The following TBX15 variants were observed in gnomAD, a reference collection of about 807,000 sequenced individuals.
TBX15 encodes T-box transcription factor 15, also known as T-box transcription factor TBX15.
Under a neutral mutation model 53.9 loss-of-function variants are expected in TBX15, and 18 were observed. The ratio of observed to expected loss-of-function variants is 0.33; its 90% confidence interval spans 0.23 to 0.49. The LOEUF (loss-of-function observed/expected upper bound fraction) is 0.49, where lower values mean the gene tolerates loss of function less well. TBX15 is among the 20% of genes least tolerant of loss of function. The pLI is 0.98. For synonymous variants in TBX15, 295 were observed against 278.0 expected (o/e 1.06, Z -0.61); for missense variants, 692 against 749.5 (o/e 0.92, Z 0.90).
In TBX15 at chr1:118,884,533, G is replaced by T. The variant is rs759238161; in HGVS notation, c.*199C>A. 44 of 653,880 alleles carry T rather than the reference G, an allele frequency of 6.7e-5. No individual in the cohort carries two copies. Among genetic ancestry groups the T allele is most frequent in the Non-Finnish European group, 1.0e-4 (41 of 391,796 alleles). 40.5% of individuals were successfully genotyped at this position (653,880 alleles called of 1,614,324 possible). A position where few individuals can be genotyped will look rare whatever the true frequency, so the allele number is the denominator to read the frequency against. On this transcript the variant is annotated 3_prime_UTR_variant, in exon 8 of 8. Coordinates refer to ENST00000369429, the MANE Select transcript of TBX15 (RefSeq NM_001330677.2). ...GGCAGAAGAATGGCCACTGAGTTGCGGATGATTCTATCGCAAGTATCCTTC... is the reference window on the plus strand; with the variant it reads ...GGCAGAAGAATGGCCACTGAGTTGCTGATGATTCTATCGCAAGTATCCTTC...
intron 1 of TBX15, among the ~76,000 whole-genome samples, chr1:118,983,672 C>T (rs924473038): frequency 6.6e-6 from 1 of 152,226 alleles, no homozygotes; most frequent in Non-Finnish European, 1.5e-5. Flanking sequence ...ACCCTTGACT[C>T]CTCGGAGCCA....
chr1:118,893,251 A>G (rs1045994840), intron 7 of TBX15, among the ~76,000 whole-genome samples: 2 of 144,314 alleles, frequency 1.4e-5, no homozygotes, highest in East Asian at 4.1e-4. Context: ...AGAAAGAAAG[A>G]AAGGAAGAAA....
At chr1:118,913,007 A>T (rs1422480422) in intron 6 of TBX15, among the ~76,000 whole-genome samples, 4 of 152,046 alleles carry the variant, frequency 2.6e-5, no homozygotes, top group African/African-American at 7.3e-5. Flanking sequence ...TATTTTAAAT[A>T]TACATAAGTT....
At chr1:118,950,469 A>G (rs187326078) in intron 1 of TBX15, among the ~76,000 whole-genome samples, 7 of 152,370 alleles carry the variant, frequency 4.6e-5, no homozygotes, top group Admixed American at 4.6e-4. Flanking sequence ...TTGGCCTTAA[A>G]CATAGTTTAA....
In TBX15 at chr1:118,884,538, A is replaced by T; in HGVS notation, c.*194T>A. ...AAGAATGGCCACTGAGTTGCGGATG[A>T]TTCTATCGCAAGTATCCTTCACTGG... On this transcript the variant is annotated 3_prime_UTR_variant, in exon 8 of 8. Transcript: ENST00000369429. 4 of 670,682 alleles carry T rather than the reference A, an allele frequency of 6.0e-6. No homozygotes were observed. The highest frequency in any genetic ancestry group is 9.8e-6 in the Non-Finnish European group (4 of 409,748). 41.5% of individuals were successfully genotyped at this position (670,682 alleles called of 1,614,324 possible). A position where few individuals can be genotyped will look rare whatever the true frequency, so the allele number is the denominator to read the frequency against.
intron 1 of TBX15, among the ~76,000 whole-genome samples, chr1:118,939,125 G>A (rs1369680662): frequency 6.6e-6 from 1 of 152,074 alleles, no homozygotes; most frequent in East Asian, 1.9e-4. Flanking sequence ...CGCAGGAGCA[G>A]GCCAGGCCTA....
chr1:118,900,581 CTG>C (rs1411215333), intron 6 of TBX15, among the ~76,000 whole-genome samples: 2 of 125,352 alleles, frequency 1.6e-5, no homozygotes, highest in Non-Finnish European at 3.8e-5. Context: ...AAACCAAACT[CTG>C]TATTTTAAGA....
chr1:118,898,442 A>G (rs1654504715), intron 7 of TBX15, among the ~76,000 whole-genome samples: 1 of 152,194 alleles, frequency 6.6e-6, no homozygotes, highest in African/African-American at 2.4e-5. Context: ...AAGAAAAATT[A>G]TAAATTGGAT....
rs1258065928 is a variant in TBX15 at position 118,987,484 on chromosome 1, A to T, written c.205+107T>A. ...AAGAAACAGAAACCTATGTTGGGGC[A>T]AGGCAGGGCGTCAATGGCAGGGCCT... On this transcript the variant is annotated intron_variant, in intron 1 of 7. Transcript: ENST00000369429. 6 of 1,316,632 alleles carry T rather than the reference A, an allele frequency of 4.6e-6. No individual in the cohort carries two copies. In the African/African-American group the frequency reaches 7.4e-5, roughly 16 times the overall value. 81.6% of individuals were successfully genotyped at this position (1,316,632 alleles called of 1,614,324 possible). A position where few individuals can be genotyped will look rare whatever the true frequency, so the allele number is the denominator to read the frequency against.
At chr1:118,918,006 C>T (rs765061959) in intron 5 of TBX15, among the ~76,000 whole-genome samples, 12 of 152,188 alleles carry the variant, frequency 7.9e-5, no homozygotes, top group Non-Finnish European at 1.0e-4. Flanking sequence ...TTTCTGTGTT[C>T]AGGCCACTCA....
At chr1:118,888,021 GAGA>G (rs751115073) in intron 7 of TBX15, among the ~76,000 whole-genome samples, 1 of 152,152 alleles carries the variant, frequency 6.6e-6, no homozygotes, top group Non-Finnish European at 1.5e-5. Flanking sequence ...GCTGATTTTA[GAGA>G]CATTTCAAAA....
chr1:118,911,102 A>G (rs949519353), intron 6 of TBX15, among the ~76,000 whole-genome samples: 3 of 152,080 alleles, frequency 2.0e-5, no homozygotes, highest in African/African-American at 7.3e-5. Flanking sequence ...TAAAGCACAA[A>G]CCATTCAGGC....
Position 118,981,190 on chromosome 1 carries a change from C to T in TBX15, c.205+6401G>A, listed in dbSNP as rs542488436. 9.9e-5 allele frequency among the ~76,000 whole-genome samples: 15 copies of T among 152,162 alleles called. 1 individual carries two copies. Among genetic ancestry groups the T allele is most frequent in the Middle Eastern group, 6.8e-3 (2 of 294 alleles). On this transcript the variant is annotated intron_variant, in intron 1 of 7. Coordinates refer to ENST00000369429, the MANE Select transcript of TBX15 (RefSeq NM_001330677.2). ...TTATTTACAAGTTAAATGAAAATGCCCATTACCTGGAAGTTTCAAAACTGG... is the reference window on the plus strand; with the variant it reads ...TTATTTACAAGTTAAATGAAAATGCTCATTACCTGGAAGTTTCAAAACTGG...
chr1:118,944,384 C>T (rs1426491354), intron 1 of TBX15, among the ~76,000 whole-genome samples: 1 of 152,170 alleles, frequency 6.6e-6, no homozygotes, highest in South Asian at 2.1e-4. Flanking sequence ...ACTCCATTCC[C>T]GACTCCTTGA....
At chr1:118,943,049 A>G (rs1018163276) in intron 1 of TBX15, among the ~76,000 whole-genome samples, 1 of 152,206 alleles carries the variant, frequency 6.6e-6, no homozygotes, top group Non-Finnish European at 1.5e-5. Context: ...TGACTGGGAA[A>G]GCTGCTTAAC....
At chr1:118,892,191 G>A (rs1654170762) in intron 7 of TBX15, among the ~76,000 whole-genome samples, 1 of 152,090 alleles carries the variant, frequency 6.6e-6, no homozygotes, top group Admixed American at 6.5e-5. Context: ...CTTTACTTTA[G>A]AAAAATACAT....
At chr1:118,914,884 C>T (rs544526039) in intron 5 of TBX15, among the ~76,000 whole-genome samples, 2 of 152,262 alleles carry the variant, frequency 1.3e-5, no homozygotes, top group Admixed American at 1.3e-4. Flanking sequence ...AAACAAAGAG[C>T]CAGTTTCATA....
At chr1:118,909,597 CTTT>C (rs1654961318) in intron 6 of TBX15, among the ~76,000 whole-genome samples, 1 of 152,110 alleles carries the variant, frequency 6.6e-6, no homozygotes, top group Admixed American at 6.5e-5. Flanking sequence ...TCTTTTTCTT[CTTT>C]GAGACGGAGT....
chr1:118,976,209 C>T (rs931932815), intron 1 of TBX15, among the ~76,000 whole-genome samples: 3 of 152,006 alleles, frequency 2.0e-5, no homozygotes, highest in Non-Finnish European at 4.4e-5. Context: ...TTCTGTTGTT[C>T]CTCTAAAAAA....
Sources: gnomAD v4.1 joint callset for allele counts (sites outside exome capture counted in the v4.1 genomes callset) on GRCh38, gnomAD v4.1.1 for gene constraint, MANE v1.5 for transcripts, NCBI Gene and HGNC (gene_info 2026-07-23, HGNC 2026-07-21) for gene names.